The following FOXJ3 variants were observed in gnomAD, a reference collection of about 807,000 sequenced individuals.
FOXJ3 encodes forkhead box protein J3.
A neutral mutation model predicts 76.1 loss-of-function variants in FOXJ3; 22 were observed. The ratio of observed to expected loss-of-function variants is 0.29; its 90% confidence interval spans 0.21 to 0.41. The LOEUF (loss-of-function observed/expected upper bound fraction) is 0.41. Ranked by LOEUF, FOXJ3 falls within the 10% of genes least tolerant of loss-of-function variation. The pLI, the probability that FOXJ3 is intolerant of heterozygous loss-of-function variation, is 1.00. For missense variants in FOXJ3, 613 were observed against 762.1 expected (o/e 0.80, Z 2.30); for synonymous variants, 269 against 261.2 (o/e 1.03, Z -0.29).
At chr1:42,245,197 A>G (rs1300665295) in intron 4 of FOXJ3, among the ~76,000 whole-genome samples, 1 of 151,878 alleles carries the variant, frequency 6.6e-6, no homozygotes, top group Admixed American at 6.6e-5. Flanking sequence ...AAGTCTCCCA[A>G]CAAAGAAAAG....
At chr1:42,221,544 C>A (rs1012181031) in intron 5 of FOXJ3, among the ~76,000 whole-genome samples, 2 of 152,082 alleles carry the variant, frequency 1.3e-5, no homozygotes, top group African/African-American at 4.8e-5. Context: ...CAACCTCAAA[C>A]TCCTGGGCTC....
At chr1:42,220,413 G>C (rs1386573915) in intron 5 of FOXJ3, among the ~76,000 whole-genome samples, 1 of 151,902 alleles carries the variant, frequency 6.6e-6, no homozygotes, top group Non-Finnish European at 1.5e-5. Context: ...AAAAACAAAG[G>C]GTCTGAAAAC....
intron 5 of FOXJ3, among the ~76,000 whole-genome samples, chr1:42,224,334 G>T (rs1647373599): frequency 6.6e-6 from 1 of 152,070 alleles, no homozygotes; most frequent in Admixed American, 6.5e-5. Flanking sequence ...CTAACTCATG[G>T]ATTAAGAAAA....
At position 42,282,257 on chromosome 1, in the gene FOXJ3, G is replaced by C. The variant is rs527446375; in HGVS notation, c.45-3585C>G. The stretch of plus-strand genomic sequence containing the variant: ...ACCTCATTCCAAAAGCTTCCTAGCT[G>C]GCTTCCTGGACTCTGATGTCTCAAC... On this transcript the variant is annotated intron_variant, in intron 2 of 12. Coordinates refer to ENST00000361346, the MANE Select transcript of FOXJ3 (RefSeq NM_014947.5). 4.8e-4 allele frequency among the ~76,000 whole-genome samples: 73 copies of C among 152,068 alleles called. 2 individuals carry two copies. In the South Asian group the frequency reaches 0.013, roughly 28 times the overall value.
intron 4 of FOXJ3, among the ~76,000 whole-genome samples, chr1:42,235,305 CCTTT>C (rs1250927076): frequency 1.3e-5 from 2 of 152,190 alleles, no homozygotes; most frequent in South Asian, 2.1e-4. Context: ...GTCTGTCATC[CCTTT>C]CTTTGACTAG....
chr1:42,319,451 A>T (rs1411442486), intron 1 of FOXJ3, among the ~76,000 whole-genome samples: 1 of 152,186 alleles, frequency 6.6e-6, no homozygotes, highest in Admixed American at 6.5e-5. Context: ...AAATAGGCAA[A>T]TTCATGTGAG....
At chr1:42,204,012 A>AG (rs397861344) in intron 6 of FOXJ3, among the ~76,000 whole-genome samples, 26 of 150,538 alleles carry the variant, frequency 1.7e-4, no homozygotes, top group Admixed American at 1.1e-3. Context: ...AAAAAAAAAA[A>AG]GTTGGATTCA....
intron 1 of FOXJ3, among the ~76,000 whole-genome samples, chr1:42,333,776 T>C (rs915400836): frequency 1.3e-5 from 2 of 152,100 alleles, no homozygotes; most frequent in South Asian, 2.1e-4. Flanking sequence ...GAGTGTGCAA[T>C]GGGTACTCAA....
chr1:42,254,080 T>A (rs1650358856), intron 4 of FOXJ3, among the ~76,000 whole-genome samples: 1 of 151,976 alleles, frequency 6.6e-6, no homozygotes, highest in East Asian at 1.9e-4. Flanking sequence ...AAAGGGCTAA[T>A]ATCCAGAATC....
At chr1:42,291,237 T>C (rs1203233629) in intron 2 of FOXJ3, among the ~76,000 whole-genome samples, 1 of 152,088 alleles carries the variant, frequency 6.6e-6, no homozygotes, top group Non-Finnish European at 1.5e-5. Flanking sequence ...CATCACATCA[T>C]ACATAAAAAT....
At chr1:42,210,480 G>A (rs1646946648) in intron 5 of FOXJ3, among the ~76,000 whole-genome samples, 1 of 152,188 alleles carries the variant, frequency 6.6e-6, no homozygotes, top group East Asian at 1.9e-4. Flanking sequence ...AAGCCAACCA[G>A]CACAGCCCAT....
intron 1 of FOXJ3, among the ~76,000 whole-genome samples, chr1:42,323,390 C>G (rs1419131479): frequency 6.6e-6 from 1 of 152,170 alleles, no homozygotes; most frequent in East Asian, 1.9e-4. Flanking sequence ...TAGCCAACCA[C>G]TCCTCCAAGT....
At chr1:42,195,937 C>T (rs971481117) in intron 7 of FOXJ3, among the ~76,000 whole-genome samples, 11 of 152,220 alleles carry the variant, frequency 7.2e-5, no homozygotes, top group African/African-American at 1.7e-4. Flanking sequence ...GGTTTTGAGG[C>T]GAAAATTCTC....
chr1:42,194,755 G>A, intron 8 of FOXJ3, 135 bp downstream of exon 8: 1 of 624,052 alleles, frequency 1.6e-6, no homozygotes, highest in South Asian at 2.4e-5. Flanking sequence ...GGCACAAAGG[G>A]CAAAATACAA....
chr1:42,199,994 A>C (rs1189535346), intron 6 of FOXJ3, among the ~76,000 whole-genome samples: 1 of 129,110 alleles, frequency 7.7e-6, no homozygotes, highest in Non-Finnish European at 1.6e-5. Flanking sequence ...TGACAGAGCG[A>C]GACTCTGTCT....
chr1:42,324,079 A>ACTGTATATACACAGT (rs1553170567), intron 1 of FOXJ3, among the ~76,000 whole-genome samples: 9 of 74,282 alleles, frequency 1.2e-4, no homozygotes, highest in South Asian at 5.0e-4. Context: ...GTGTATATAT[A>ACTGTATATACACAGT]GTATATATAC....
intron 2 of FOXJ3, among the ~76,000 whole-genome samples, chr1:42,303,829 C>T (rs1035247573): frequency 1.3e-5 from 2 of 152,122 alleles, no homozygotes; most frequent in African/African-American, 4.8e-5. Context: ...TTAGGTAATT[C>T]AGAAATGCAG....
intron 1 of FOXJ3, among the ~76,000 whole-genome samples, chr1:42,322,867 G>A (rs1655512350): frequency 6.6e-6 from 1 of 152,134 alleles, no homozygotes; most frequent in Non-Finnish European, 1.5e-5. Context: ...ATCCAGAAAA[G>A]GAGGGTAACA....
At chr1:42,242,316 G>C (rs1290935661) in intron 4 of FOXJ3, among the ~76,000 whole-genome samples, 1 of 151,568 alleles carries the variant, frequency 6.6e-6, no homozygotes, top group African/African-American at 2.4e-5. Flanking sequence ...TAATATTAAA[G>C]AAGCTCAGTG....
Sources: gnomAD v4.1 joint callset for allele counts (sites outside exome capture counted in the v4.1 genomes callset) on GRCh38, gnomAD v4.1.1 for gene constraint, MANE v1.5 for transcripts, NCBI Gene and HGNC (gene_info 2026-07-23, HGNC 2026-07-21) for gene names.